MIR2052HG: variants seen among roughly 807,000 people sequenced by gnomAD.
MIR2052HG encodes MIR2052 host gene.
At chr8:74,719,376 A>G (rs1216952713) in intron 4 of MIR2052HG, among the ~76,000 whole-genome samples, 2 of 152,234 alleles carry the variant, frequency 1.3e-5, no homozygotes, top group African/African-American at 2.4e-5. Context: ...TGCAGTGATT[A>G]TCCAATCTTG....
intron 2 of MIR2052HG, among the ~76,000 whole-genome samples, chr8:74,657,426 A>G (rs561866927): frequency 6.6e-6 from 1 of 152,310 alleles, no homozygotes; most frequent in East Asian, 1.9e-4. Context: ...TATGACCTGC[A>G]AGGCTGCTAC....
intron 4 of MIR2052HG, among the ~76,000 whole-genome samples, chr8:74,714,650 T>G (rs550807364): frequency 6.6e-6 from 1 of 151,976 alleles, no homozygotes; most frequent in East Asian, 1.9e-4. Flanking sequence ...TATCCTAGAA[T>G]AATTTCTCAG....
intron 4 of MIR2052HG, among the ~76,000 whole-genome samples, chr8:74,737,954 C>G (rs895570696): frequency 6.6e-6 from 1 of 152,044 alleles, no homozygotes; most frequent in East Asian, 1.9e-4. Flanking sequence ...GAATAAATGA[C>G]CAAGTGAATC....
chr8:74,678,615 C>T (rs1809083275), intron 2 of MIR2052HG, among the ~76,000 whole-genome samples: 1 of 139,718 alleles, frequency 7.2e-6, no homozygotes, highest in Non-Finnish European at 1.5e-5. Context: ...ATTCCCAAGT[C>T]ATTTAATAAG....
At chr8:74,649,839 TA>T (rs1281850829) in intron 2 of MIR2052HG, among the ~76,000 whole-genome samples, 1 of 152,092 alleles carries the variant, frequency 6.6e-6, no homozygotes, top group Non-Finnish European at 1.5e-5. Context: ...TGTAATATTT[TA>T]TATTTTTTTT....
At chr8:74,638,279 A>AAAAGTATG (rs1808603813) in intron 2 of MIR2052HG, among the ~76,000 whole-genome samples, 1 of 152,194 alleles carries the variant, frequency 6.6e-6, no homozygotes, top group African/African-American at 2.4e-5. Context: ...TATTTGATAT[A>AAAAGTATG]AAAGTATGAG....
chr8:74,612,612 G>T (rs1454154567), intron 1 of MIR2052HG: 1 of 287,290 alleles, frequency 3.5e-6, no homozygotes, highest in African/African-American at 2.2e-5. Context: ...CATTTGGCTA[G>T]CCATAGAAGA....
At chr8:74,697,548 T>A (rs1809311610) in intron 2 of MIR2052HG, among the ~76,000 whole-genome samples, 2 of 152,108 alleles carry the variant, frequency 1.3e-5, no homozygotes, top group African/African-American at 4.8e-5. Flanking sequence ...TGCTGTTCAC[T>A]GATGATATCA....
At chr8:74,644,538 G>C (rs1390961710) in intron 2 of MIR2052HG, among the ~76,000 whole-genome samples, 1 of 152,166 alleles carries the variant, frequency 6.6e-6, no homozygotes, top group Non-Finnish European at 1.5e-5. Context: ...GTTTCGTTAA[G>C]TGGTGCATGA....
intron 4 of MIR2052HG, among the ~76,000 whole-genome samples, chr8:74,706,580 C>A (rs1445055015): frequency 6.6e-6 from 1 of 152,000 alleles, no homozygotes; most frequent in East Asian, 1.9e-4. Context: ...CACGAGGGGC[C>A]TCCTTGGTCT....
intron 1 of MIR2052HG, among the ~76,000 whole-genome samples, chr8:74,611,409 G>T (rs192918572): frequency 9.1e-4 from 139 of 152,138 alleles, no homozygotes; most frequent in African/African-American, 3.2e-3. Context: ...AGAATTTGGC[G>T]ATTTTTAAAA....
At chr8:74,609,227 A>G (rs1290333420) in intron 1 of MIR2052HG, among the ~76,000 whole-genome samples, 1 of 151,982 alleles carries the variant, frequency 6.6e-6, no homozygotes, top group African/African-American at 2.4e-5. Context: ...TGAAAGATAA[A>G]AATTAACAGA....
intron 2 of MIR2052HG, among the ~76,000 whole-genome samples, chr8:74,626,075 TC>T (rs1333636286): frequency 6.6e-6 from 1 of 152,138 alleles, no homozygotes; most frequent in Non-Finnish European, 1.5e-5. Context: ...CAGGACCGTC[TC>T]CAGCAGCCCT....
At chr8:74,644,032 T>C (rs1808666677) in intron 2 of MIR2052HG, among the ~76,000 whole-genome samples, 1 of 152,218 alleles carries the variant, frequency 6.6e-6, no homozygotes, top group African/African-American at 2.4e-5. Flanking sequence ...CCTTTGTTGT[T>C]TTCCTGCATA....
chr8:74,637,273 G>A (rs1808593348), intron 2 of MIR2052HG, among the ~76,000 whole-genome samples: 2 of 152,090 alleles, frequency 1.3e-5, no homozygotes, highest in Non-Finnish European at 2.9e-5. Context: ...TGGGACTTAG[G>A]GTGTACATGG....
intron 4 of MIR2052HG, among the ~76,000 whole-genome samples, chr8:74,719,023 C>A (rs1366737028): frequency 6.6e-6 from 1 of 151,302 alleles, no homozygotes; most frequent in East Asian, 1.9e-4. Context: ...AGAAAATTGA[C>A]AACTAGAATT....
intron 4 of MIR2052HG, among the ~76,000 whole-genome samples, chr8:74,733,956 A>G (rs947364779): frequency 9.2e-5 from 14 of 152,386 alleles, no homozygotes; most frequent in African/African-American, 3.4e-4. Context: ...ACCAAAAGCA[A>G]TGGCAACAAA....
intron 4 of MIR2052HG, among the ~76,000 whole-genome samples, chr8:74,752,281 CAAAA>C (rs34347449): frequency 3.8e-5 from 3 of 79,374 alleles, no homozygotes; most frequent in Admixed American, 1.4e-4. Context: ...GATCCTGTCT[CAAAA>C]AAAAAAAAAA....
At chr8:74,634,863 AATTG>A (rs1165850954) in intron 2 of MIR2052HG, among the ~76,000 whole-genome samples, 2 of 152,036 alleles carry the variant, frequency 1.3e-5, no homozygotes, top group African/African-American at 2.4e-5. Flanking sequence ...TTGGCAGGGC[AATTG>A]ATTGATTGAT....
Sources: allele counts gnomAD v4.1 joint callset (sites outside exome capture counted in the v4.1 genomes callset), GRCh38; gene constraint gnomAD v4.1.1; transcripts MANE v1.5; gene names NCBI Gene and HGNC (gene_info 2026-07-23, HGNC 2026-07-21).